Variants in TIA1 observed in about 807,000 individuals in gnomAD.
TIA1 encodes cytotoxic granule associated RNA binding protein TIA1.
TIA1 carries 23 observed loss-of-function variants against 65.9 expected under a neutral mutation model. The observed-to-expected ratio is 0.35, with a 90% CI of 0.25 to 0.49. TIA1 has a LOEUF of 0.49. Ranked by LOEUF, TIA1 falls within the 20% of genes least tolerant of loss-of-function variation. The probability of loss-of-function intolerance (pLI) is 0.98; values close to 1 mark genes in which losing one functional copy is unlikely to be tolerated. For missense variants in TIA1, 371 were observed against 477.9 expected (o/e 0.78, Z 2.09); for synonymous variants, 147 against 149.4 (o/e 0.98, Z 0.12).
chr2:70,224,078 C>T (rs569755589), intron 7 of TIA1, among the ~76,000 whole-genome samples: 12 of 151,992 alleles, frequency 7.9e-5, no homozygotes, highest in Admixed American at 6.6e-5. Flanking sequence ...CCACCACGCC[C>T]GGATAATTTT....
intron 9 of TIA1, 43 bp downstream of exon 9, chr2:70,216,361 T>G: frequency 6.3e-7 from 1 of 1,590,874 alleles, no homozygotes; most frequent in Non-Finnish European, 8.5e-7. Context: ...ATATTAAGCT[T>G]TGCACTTTAA....
intron 6 of TIA1, chr2:70,225,236 A>G: frequency 9.0e-7 from 1 of 1,111,128 alleles, no homozygotes; most frequent in Non-Finnish European, 1.1e-6. Context: ...TTTTACACTG[A>G]ATTTTATAAT....
chr2:70,217,029 C>T (rs1678898902), intron 7 of TIA1, 35 bp from the exon 8 acceptor site: 1 of 1,577,520 alleles, frequency 6.3e-7, no homozygotes, highest in Non-Finnish European at 8.6e-7. Flanking sequence ...ATAAAGAAGT[C>T]ACTATTAGTT....
chr2:70,222,898 A>G (rs1271454450), intron 7 of TIA1, among the ~76,000 whole-genome samples: 1 of 152,186 alleles, frequency 6.6e-6, no homozygotes, highest in Non-Finnish European at 1.5e-5. Flanking sequence ...TGGGCAACAG[A>G]GCGAAACTCC....
chr2:70,233,601 A>G (rs1687485466), intron 2 of TIA1, among the ~76,000 whole-genome samples: 1 of 152,084 alleles, frequency 6.6e-6, no homozygotes, highest in African/African-American at 2.4e-5. Flanking sequence ...CCCTGTCTCT[A>G]CTGAAAATAC....
intron 1 of TIA1, among the ~76,000 whole-genome samples, chr2:70,238,852 A>T (rs556637874): frequency 2.6e-5 from 4 of 152,236 alleles, no homozygotes; most frequent in Admixed American, 2.6e-4. Context: ...GGAGTTCAAG[A>T]TCAGCCCAGT....
At chr2:70,235,143 C>T (rs2104549866) in intron 2 of TIA1, among the ~76,000 whole-genome samples, 1 of 152,228 alleles carries the variant, frequency 6.6e-6, no homozygotes, top group African/African-American at 2.4e-5. Context: ...AGGCCAGGTA[C>T]AGTGGCTCAT....
intron 7 of TIA1, among the ~76,000 whole-genome samples, chr2:70,219,497 A>G (rs777251248): frequency 1.4e-4 from 22 of 152,186 alleles, no homozygotes; most frequent in Non-Finnish European, 3.2e-4. Context: ...TGCTTTAAAA[A>G]AAAATTAAAT....
intron 1 of TIA1, among the ~76,000 whole-genome samples, chr2:70,237,646 C>T (rs1184042590): frequency 6.6e-6 from 1 of 151,960 alleles, no homozygotes; most frequent in African/African-American, 2.4e-5. Flanking sequence ...GAGAGGATCA[C>T]TTGAGGCAGG....
intron 2 of TIA1, among the ~76,000 whole-genome samples, chr2:70,232,349 T>C (rs1011111707): frequency 6.6e-6 from 1 of 150,804 alleles, no homozygotes; most frequent in Non-Finnish European, 1.5e-5. Context: ...GAGACCAGCC[T>C]GACCAACATG....
intron 1 of TIA1, 134 bp from the exon 2 acceptor site, chr2:70,236,309 C>T (rs1688921114): frequency 1.8e-6 from 1 of 541,288 alleles, no homozygotes; most frequent in South Asian, 2.1e-5. Context: ...AGTGATTCCC[C>T]TGCCTCAGCC....
chr2:70,219,044 G>T (rs922244540), intron 7 of TIA1, among the ~76,000 whole-genome samples: 1 of 152,176 alleles, frequency 6.6e-6, no homozygotes, highest in African/African-American at 2.4e-5. Context: ...GAAACAAAAA[G>T]CTCCATTAAG....
chr2:70,214,648 A>G (rs995449569), intron 11 of TIA1, among the ~76,000 whole-genome samples, 154 bp from the exon 12 acceptor site: 1 of 151,672 alleles, frequency 6.6e-6, no homozygotes, highest in Non-Finnish European at 1.5e-5. Context: ...AAAAAAAAAA[A>G]AAAAAAAAAA....
intron 6 of TIA1, 163 bp from the exon 7 acceptor site, chr2:70,224,792 AG>A: frequency 7.1e-7 from 1 of 1,399,226 alleles, no homozygotes; most frequent in South Asian, 1.7e-5. Flanking sequence ...TTAGGAAATG[AG>A]GCTTAATTTT....
At chr2:70,246,558 A>C (rs1694422176) in intron 1 of TIA1, among the ~76,000 whole-genome samples, 2 of 152,166 alleles carry the variant, frequency 1.3e-5, no homozygotes, top group Admixed American at 1.3e-4. Context: ...AGTGAGGGAT[A>C]CAAGGCAAAA....
In TIA1 at chr2:70,239,613, G is replaced by T. The variant is rs1373074585; in HGVS notation, c.27-3438C>A. Among the ~76,000 whole-genome samples the T allele has an allele frequency of 4.6e-5, 7 of 152,266 alleles. No individual in the cohort carries two copies. The East Asian group carries it at 1.4e-3, about 29-fold the overall frequency. ...TATTCATACATGCTCACAAAGTGTG[G>T]AATCAATTTCTTCTTTCCATCTACC... is the stretch of plus-strand genomic sequence containing the variant. On this transcript the variant is annotated intron_variant, in intron 1 of 12. Transcript: ENST00000433529.
chr2:70,233,692 G>A (rs1252130079), intron 2 of TIA1, among the ~76,000 whole-genome samples: 2 of 151,920 alleles, frequency 1.3e-5, no homozygotes, highest in Non-Finnish European at 2.9e-5. Context: ...CTTGAACCTG[G>A]GAGGCAGAGT....
chr2:70,232,320 C>A (rs1273253221), intron 2 of TIA1, among the ~76,000 whole-genome samples: 1 of 151,208 alleles, frequency 6.6e-6, no homozygotes, highest in Middle Eastern at 3.2e-3. Flanking sequence ...GTGGGCTGAT[C>A]ACCTGAGGTC....
At chr2:70,235,968 TA>T in intron 2 of TIA1, 110 bp downstream of exon 2, 1 of 563,850 alleles carries the variant, frequency 1.8e-6, no homozygotes. Flanking sequence ...AGTAAACTAA[TA>T]ATTTATACTA....
Sources: allele counts gnomAD v4.1 joint callset (sites outside exome capture counted in the v4.1 genomes callset), GRCh38; gene constraint gnomAD v4.1.1; transcripts MANE v1.5; gene names NCBI Gene and HGNC (gene_info 2026-07-23, HGNC 2026-07-21).